S100Z: variants seen among roughly 807,000 people sequenced by gnomAD.
S100Z encodes the protein S100 calcium binding protein Z.
S100Z carries 11 observed loss-of-function variants against 8.5 expected under a neutral mutation model. That is an observed-to-expected ratio of 1.30 (90% CI 0.82 to 2.15). S100Z has a LOEUF of 2.15. Among genes scored for constraint, S100Z ranks in the 30% most tolerant of loss-of-function variants. The pLI, the probability that S100Z is intolerant of heterozygous loss-of-function variation, is 0.00. For synonymous variants in S100Z, 34 were observed against 43.8 expected (o/e 0.78, Z 0.89); for missense variants, 126 against 117.9 (o/e 1.07, Z -0.32).
intron 1 of S100Z, among the ~76,000 whole-genome samples, chr5:76,859,008 G>A (rs1750969323): frequency 6.6e-6 from 1 of 152,158 alleles, no homozygotes; most frequent in Admixed American, 6.6e-5. Flanking sequence ...CAGCTACTCA[G>A]TAGGCTGAGG....
the S100Z span, among the ~76,000 whole-genome samples, chr5:76,943,088 C>T: frequency 6.6e-6 from 1 of 152,130 alleles, no homozygotes. Context: ...TATACATGTG[C>T]CACAGTGGGG....
the S100Z span, among the ~76,000 whole-genome samples, chr5:76,944,885 T>C: frequency 6.6e-6 from 1 of 152,230 alleles, no homozygotes; most frequent in South Asian, 2.1e-4. Context: ...GTGAGGGATG[T>C]TAAATGGCAT....
chr5:76,880,037 T>C lies in S100Z; in HGVS notation c.*2+2203T>C, dbSNP rs566509641. Among the ~76,000 whole-genome samples, 214 of 152,224 alleles carry C rather than the reference T, an allele frequency of 1.4e-3. 1 individual carries two copies. Among genetic ancestry groups the C allele is most frequent in the African/African-American group, 4.9e-3 (202 of 41,516 alleles). ...GGTGGCGGATTATCATTAGTTCTTA[T>C]AGGTTTTGGGATAGGTGGTGGAGTT... On this transcript the variant is annotated intron_variant, in intron 4 of 4. Coordinates refer to ENST00000317593, the MANE Select transcript of S100Z (RefSeq NM_130772.4).
intron 1 of S100Z, among the ~76,000 whole-genome samples, chr5:76,866,756 T>A (rs948958614): frequency 6.6e-6 from 1 of 152,234 alleles, no homozygotes; most frequent in Non-Finnish European, 1.5e-5. Flanking sequence ...TCTACGTGTG[T>A]GTAAGTATAC....
chr5:76,901,944 G>A (rs998009061), intron 4 of S100Z, among the ~76,000 whole-genome samples: 3 of 152,096 alleles, frequency 2.0e-5, no homozygotes, highest in Non-Finnish European at 2.9e-5. Context: ...TGCCAGGACC[G>A]GGTTCTTTCC....
chr5:76,873,432 C>T lies in S100Z; in HGVS notation c.-56-1872C>T, dbSNP rs145234828. ...AAGCAATTCTCCTGCCTCAGCCTCC[C>T]GAGTAGCTGGGACTACAGGCGTGCA... On this transcript the variant is annotated intron_variant, in intron 2 of 4. Coordinates refer to ENST00000317593, the MANE Select transcript of S100Z (RefSeq NM_130772.4). Among the ~76,000 whole-genome samples, 676 of 151,914 alleles carry T rather than the reference C, an allele frequency of 4.4e-3. 4 individuals carry two copies. The highest frequency in any genetic ancestry group is 0.016 in the African/African-American group (651 of 41,416).
chr5:76,919,637 G>A (rs1479204228), intron 4 of S100Z, among the ~76,000 whole-genome samples: 2 of 141,804 alleles, frequency 1.4e-5, no homozygotes, highest in Non-Finnish European at 3.0e-5. Flanking sequence ...AAGAGATGCA[G>A]GTCTCATTTT....
chr5:76,947,918 A>C, the S100Z span, among the ~76,000 whole-genome samples: 113 of 152,358 alleles, frequency 7.4e-4, 1 homozygote, highest in East Asian at 0.014. Context: ...CTCCTAGAAG[A>C]AAACAGGAAA....
At chr5:76,913,595 A>T (rs1018476553) in intron 4 of S100Z, among the ~76,000 whole-genome samples, 1 of 152,236 alleles carries the variant, frequency 6.6e-6, no homozygotes, top group African/African-American at 2.4e-5. Flanking sequence ...AAGTTTGCTA[A>T]AAGTTAACAG....
At chr5:76,913,128 T>C (rs1386085298) in intron 4 of S100Z, among the ~76,000 whole-genome samples, 1 of 152,238 alleles carries the variant, frequency 6.6e-6, no homozygotes, top group East Asian at 1.9e-4. Flanking sequence ...AACACTCCAA[T>C]ACCACCTTGT....
chr5:76,859,638 T>TG (rs1211808110), intron 1 of S100Z, among the ~76,000 whole-genome samples: 1 of 151,448 alleles, frequency 6.6e-6, no homozygotes, highest in Non-Finnish European at 1.5e-5. Flanking sequence ...AAAAATTAGC[T>TG]GGGCGTGGTG....
At chr5:76,884,323 T>C (rs1490615979) in intron 4 of S100Z, among the ~76,000 whole-genome samples, 1 of 152,212 alleles carries the variant, frequency 6.6e-6, no homozygotes, top group Non-Finnish European at 1.5e-5. Context: ...CGCCTAGCTA[T>C]ACCTGGGGAA....
intron 4 of S100Z, among the ~76,000 whole-genome samples, chr5:76,888,045 C>T (rs989729376): frequency 6.6e-6 from 1 of 151,834 alleles, no homozygotes; most frequent in African/African-American, 2.4e-5. Flanking sequence ...ATCATGAGGT[C>T]AGGAGTTCAA....
rs530713997 is a variant in S100Z, at chr5:76,903,149, T to C, written c.*3-17568T>C. Among the ~76,000 whole-genome samples, 3 of 152,352 alleles carry C rather than the reference T, an allele frequency of 2.0e-5. No homozygotes were observed. The South Asian group carries it at 6.2e-4, about 32-fold the overall frequency. ...TTGCAGTGAGCTGAGATCATGCCAC[T>C]GCACTCCAGCCTGGGTGAAGAGTAA... On this transcript the variant is annotated intron_variant, in intron 4 of 4. Transcript: ENST00000317593.
At chr5:76,927,118 A>G in the S100Z span, among the ~76,000 whole-genome samples, 1 of 152,218 alleles carries the variant, frequency 6.6e-6, no homozygotes, top group Non-Finnish European at 1.5e-5. Context: ...CAAAGCAAAG[A>G]CACTGACCCA....
At chr5:76,931,104 CT>C in the S100Z span, among the ~76,000 whole-genome samples, 102 of 145,584 alleles carry the variant, frequency 7.0e-4, no homozygotes, top group Admixed American at 8.3e-4. Flanking sequence ...TTCTTTCTTC[CT>C]TTTTTTTTTT....
the S100Z span, among the ~76,000 whole-genome samples, chr5:76,940,445 C>T: frequency 6.6e-6 from 1 of 150,686 alleles, no homozygotes; most frequent in East Asian, 1.9e-4. Context: ...TGGAACCTTG[C>T]TTTGTCACCC....
At chr5:76,892,427 C>T (rs1743895969) in intron 4 of S100Z, among the ~76,000 whole-genome samples, 1 of 152,152 alleles carries the variant, frequency 6.6e-6, no homozygotes, top group South Asian at 2.1e-4. Context: ...TCAAGGGGAA[C>T]TCATTAAACA....
intron 4 of S100Z, among the ~76,000 whole-genome samples, chr5:76,917,006 G>C (rs934014813): frequency 1.3e-5 from 2 of 151,512 alleles, no homozygotes; most frequent in African/African-American, 4.9e-5. Flanking sequence ...GGTGACTGCA[G>C]TCCCAGCTAC....
Sources: allele counts gnomAD v4.1 joint callset (sites outside exome capture counted in the v4.1 genomes callset), GRCh38; gene constraint gnomAD v4.1.1; transcripts MANE v1.5; gene names NCBI Gene and HGNC (gene_info 2026-07-23, HGNC 2026-07-21).